DRICH1: variants seen among roughly 807,000 people sequenced by gnomAD.
DRICH1 encodes aspartate-rich protein 1.
DRICH1 carries 38 observed loss-of-function variants against 39.5 expected under a neutral mutation model. The ratio of observed to expected loss-of-function variants is 0.96; its 90% CI spans 0.74 to 1.26. DRICH1 has a LOEUF of 1.26. DRICH1 is among the 50% of genes most tolerant of loss of function. The pLI, the probability that DRICH1 is intolerant of heterozygous loss-of-function variation, is 0.00. For missense variants in DRICH1, 279 were observed against 270.4 expected (o/e 1.03, Z -0.22); for synonymous variants, 84 against 99.5 (o/e 0.84, Z 0.93).
chr22:23,631,233 C>T (rs1421531277), intron 1 of DRICH1, among the ~76,000 whole-genome samples: 1 of 152,000 alleles, frequency 6.6e-6, no homozygotes, highest in Non-Finnish European at 1.5e-5. Flanking sequence ...TTCTGGCTAA[C>T]ACAGTGAAAT....
At chr22:23,614,700 C>T (rs1251601857) in intron 8 of DRICH1, among the ~76,000 whole-genome samples, 1 of 152,174 alleles carries the variant, frequency 6.6e-6, no homozygotes, top group East Asian at 1.9e-4. Flanking sequence ...ATGACACTTT[C>T]TTTTTCATAG....
At chr22:23,626,368 G>GA (rs1185258596) in intron 1 of DRICH1, among the ~76,000 whole-genome samples, 1 of 151,644 alleles carries the variant, frequency 6.6e-6, no homozygotes, top group Non-Finnish European at 1.5e-5. Flanking sequence ...ATCAGAGCAA[G>GA]AAAAAAAATG....
chr22:23,617,658 C>T lies in DRICH1; in HGVS notation c.437-1G>A. On this transcript the variant is annotated splice_acceptor_variant, in intron 6 of 11. Transcript: ENST00000317749. LOFTEE classifies it high-confidence loss of function. ...AAACTCAGGTTGTCCTCAGAAGAAC[C>T]TGGAAGCACACAGAGGAAAGATCCG... 1 of 1,614,038 alleles carries T rather than the reference C, an allele frequency of 6.2e-7. No homozygotes were observed. The highest frequency in any genetic ancestry group is 8.5e-7 in the Non-Finnish European group (1 of 1,179,940).
At chr22:23,597,573 C>T in the DRICH1 span, among the ~76,000 whole-genome samples, 3 of 151,682 alleles carry the variant, frequency 2.0e-5, no homozygotes, top group African/African-American at 4.8e-5. Context: ...GGTTGGGAGC[C>T]GTGTATGCGC....
the DRICH1 span, among the ~76,000 whole-genome samples, chr22:23,585,484 A>G: frequency 6.6e-6 from 1 of 151,918 alleles, no homozygotes; most frequent in African/African-American, 2.4e-5. Flanking sequence ...TTCTAGTTAT[A>G]TATTTGGTTG....
chr22:23,583,188 T>G, the DRICH1 span: 1 of 152,112 alleles, frequency 6.6e-6, no homozygotes, highest in South Asian at 2.1e-4. Flanking sequence ...TTGCTGGAAG[T>G]TTGGATGGAA....
At chr22:23,632,433 C>G (rs55751754), upstream of DRICH1, 27 of 252,808 alleles carry the variant, frequency 1.1e-4, no homozygotes, top group South Asian at 1.5e-4. Context: ...GCCCCACAGC[C>G]CCCCCCAATG....
chr22:23,620,506 AT>A, intron 5 of DRICH1, 87 bp downstream of exon 5: 1 of 1,451,374 alleles, frequency 6.9e-7, no homozygotes, highest in Middle Eastern at 1.7e-4. Flanking sequence ...CACCCCCAAT[AT>A]TTTTAACAGG....
At chr22:23,598,139 C>T in the DRICH1 span, among the ~76,000 whole-genome samples, 6 of 149,888 alleles carry the variant, frequency 4.0e-5, no homozygotes, top group East Asian at 3.9e-4. Flanking sequence ...CCTCAGACCT[C>T]GCTGTCCCTC....
intron 4 of DRICH1, 103 bp downstream of exon 4, chr22:23,621,988 G>C: frequency 9.8e-7 from 1 of 1,020,312 alleles, no homozygotes; most frequent in Non-Finnish European, 1.5e-6. Context: ...CACTTTTGTT[G>C]TTTATAGCTC....
downstream of DRICH1, among the ~76,000 whole-genome samples, chr22:23,603,776 C>A (rs1379195999): frequency 6.6e-6 from 1 of 152,242 alleles, no homozygotes; most frequent in South Asian, 2.1e-4. Context: ...ACTGCACAGT[C>A]CCCCTGCGTT....
chr22:23,623,962 G>C (rs933111402), intron 3 of DRICH1: 11 of 615,448 alleles, frequency 1.8e-5, no homozygotes, highest in Non-Finnish European at 1.9e-5. Context: ...GTGTGCTCAA[G>C]GTTGTGCTTC....
At chr22:23,623,085 T>C (rs1418005085) in intron 3 of DRICH1, among the ~76,000 whole-genome samples, 4 of 152,226 alleles carry the variant, frequency 2.6e-5, no homozygotes, top group South Asian at 2.1e-4. Context: ...TTGATGCCTA[T>C]TGTACCAAAA....
chr22:23,619,184 A>G (rs1359418191), intron 6 of DRICH1, among the ~76,000 whole-genome samples, 180 bp downstream of exon 6: 3 of 151,870 alleles, frequency 2.0e-5, no homozygotes, highest in Non-Finnish European at 4.4e-5. Flanking sequence ...AAAAAAAAAA[A>G]AAAAAGAAAA....
At chr22:23,601,273 A>T in the DRICH1 span, among the ~76,000 whole-genome samples, 1 of 152,152 alleles carries the variant, frequency 6.6e-6, no homozygotes, top group Non-Finnish European at 1.5e-5. Context: ...CAGGGAACAA[A>T]CTATTGATCC....
intron 2 of DRICH1, 55 bp from the exon 3 acceptor site, chr22:23,624,959 C>T (rs948747886): frequency 3.1e-5 from 49 of 1,580,620 alleles, no homozygotes; most frequent in Non-Finnish European, 3.7e-5. Context: ...TGCTGCACCC[C>T]CTACACAGAT....
At position 23,622,163 on chromosome 22, in the gene DRICH1, G is replaced by A. The variant is rs1302324220; in HGVS notation, c.312C>T (p.Asp104=). 3.1e-6 allele frequency: 5 copies of A among 1,613,878 alleles called. No homozygotes were observed. Among genetic ancestry groups the A allele is most frequent in the Non-Finnish European group, 4.2e-6 (5 of 1,179,866 alleles). ...LPSPVQGSSE[D]NLSLVCLPRS... ...GTGGTAGGCATACTAAACTCAGGTTGTCCTCAGAAGAACCTGGAAGGACAC... is the reference window on the plus strand; with the variant it reads ...GTGGTAGGCATACTAAACTCAGGTTATCCTCAGAAGAACCTGGAAGGACAC... Residue 104 remains aspartate, a synonymous_variant, in exon 4 of 12, where the codon GAC becomes GAT. Coordinates refer to ENST00000317749, the MANE Select transcript of DRICH1 (RefSeq NM_016449.4).
Position 23,613,665 on chromosome 22 carries a change from A to C in DRICH1, c.622-5T>G, listed in dbSNP as rs758569419. 3 of 1,591,168 alleles carry C rather than the reference A, an allele frequency of 1.9e-6. No homozygotes were observed. The highest frequency in any genetic ancestry group is 1.1e-5 in the South Asian group (1 of 90,428). On this transcript the variant is annotated splice_polypyrimidine_tract_variant and splice_region_variant and intron_variant, in intron 9 of 11. Transcript: ENST00000317749. ...ACTTTCTATCCGAGCTGTTATCTGC[A>C]ATTATATAAAAGAAAACATTATGAA... is the stretch of plus-strand genomic sequence containing the variant.
chr22:23,616,864 G>A lies in DRICH1; in HGVS notation c.530C>T (p.Ser177Leu), dbSNP rs1217931927. 7 of 1,613,990 alleles carry A rather than the reference G, an allele frequency of 4.3e-6. No individual in the cohort carries two copies. In the African/African-American group the frequency reaches 9.3e-5, roughly 22 times the overall value. ...TTCAAGGTACATACCCTGGACAGGT[G>A]ACGGTAAAATCTGCAATGAGATAAA... ...DDDDDAQILP[S>L]PVQACSEDSL... is the part of the protein sequence containing the mutation. Residue 177 changes from serine to leucine, a missense_variant, in exon 8 of 12, where the codon TCA (serine) becomes TTA (leucine). By Grantham distance (145) the Ser-to-Leu change is moderately radical (BLOSUM62 -2). Coordinates refer to ENST00000317749, the MANE Select transcript of DRICH1 (RefSeq NM_016449.4).
Sources: allele counts gnomAD v4.1 joint callset (sites outside exome capture counted in the v4.1 genomes callset), GRCh38; gene constraint gnomAD v4.1.1; transcripts MANE v1.5; gene names NCBI Gene and HGNC (gene_info 2026-07-23, HGNC 2026-07-21).